The following EHBP1 variants were observed in gnomAD, a reference collection of about 807,000 sequenced individuals.
EHBP1 encodes the protein EH domain binding protein 1, also known as EH domain-binding protein 1.
EHBP1 carries 55 observed loss-of-function variants against 144.0 expected under a neutral mutation model. The ratio of observed to expected loss-of-function variants is 0.38; its 90% CI spans 0.31 to 0.48. EHBP1 has a LOEUF of 0.48. Among genes scored for constraint, EHBP1 ranks in the 20% least tolerant of loss-of-function variants. EHBP1 has a pLI of 0.98. For missense variants in EHBP1, 1,200 were observed against 1,364.2 expected (o/e 0.88, Z 1.90); for synonymous variants, 469 against 472.7 (o/e 0.99, Z 0.10).
intron 18 of EHBP1, chr2:62,994,186 C>A: frequency 3.1e-6 from 1 of 318,350 alleles, no homozygotes; most frequent in East Asian, 5.0e-5. Context: ...TTTCAGAGTT[C>A]CACAGCCCCA....
chr2:62,785,354 A>C (rs1010958859), intron 5 of EHBP1, among the ~76,000 whole-genome samples: 8 of 152,232 alleles, frequency 5.3e-5, no homozygotes, highest in Non-Finnish European at 1.0e-4. Flanking sequence ...TCCAAGTAAC[A>C]GATGTCATGG....
At chr2:62,875,354 G>C (rs1490928971) in intron 10 of EHBP1, among the ~76,000 whole-genome samples, 2 of 152,224 alleles carry the variant, frequency 1.3e-5, no homozygotes, top group Admixed American at 6.5e-5. Context: ...CTGTGGGTTA[G>C]AGCATGCAGC....
intron 5 of EHBP1, among the ~76,000 whole-genome samples, chr2:62,788,259 A>C (rs1282187997): frequency 1.3e-5 from 2 of 152,146 alleles, no homozygotes; most frequent in Non-Finnish European, 2.9e-5. Flanking sequence ...TTCCAATATA[A>C]AATATTTGTA....
At chr2:62,740,214 A>G (rs891975216) in intron 2 of EHBP1, among the ~76,000 whole-genome samples, 1 of 152,214 alleles carries the variant, frequency 6.6e-6, no homozygotes, top group Non-Finnish European at 1.5e-5. Flanking sequence ...ACACAAAAAT[A>G]TAAGTAAAAA....
chr2:62,810,838 T>C (rs145577204), intron 5 of EHBP1, among the ~76,000 whole-genome samples: 1 of 152,360 alleles, frequency 6.6e-6, no homozygotes, highest in East Asian at 1.9e-4. Context: ...CATAAAATAG[T>C]ATGACTAAAC....
At chr2:62,719,132 A>T (rs1252886980) in intron 2 of EHBP1, among the ~76,000 whole-genome samples, 4 of 151,828 alleles carry the variant, frequency 2.6e-5, no homozygotes, top group African/African-American at 9.7e-5. Context: ...CGCCCGGCTA[A>T]TTTTTTGTAT....
rs190247515 is a variant in EHBP1, at chr2:62,677,805, A to G, written c.-296+3722A>G. ...CTCCAGTTCCAACCATGTTGTTGCA[A>G]ATAACAGGATCTCATTCTTTCTTTT... On this transcript the variant is annotated intron_variant, in intron 1 of 22. Transcript: ENST00000405015. 5.3e-5 allele frequency among the ~76,000 whole-genome samples: 8 copies of G among 152,304 alleles called. No individual in the cohort carries two copies. In the East Asian group the frequency reaches 1.5e-3, roughly 29 times the overall value.
At chr2:62,853,703 G>A (rs895471493) in intron 7 of EHBP1, among the ~76,000 whole-genome samples, 4 of 152,164 alleles carry the variant, frequency 2.6e-5, no homozygotes, top group Non-Finnish European at 5.9e-5. Flanking sequence ...CTTACAAAAT[G>A]TATTTCTTAA....
intron 1 of EHBP1, among the ~76,000 whole-genome samples, chr2:62,684,074 T>C (rs2033633427): frequency 6.6e-6 from 1 of 152,228 alleles, no homozygotes; most frequent in South Asian, 2.1e-4. Context: ...TATTATATTA[T>C]AGTATTGTCA....
At chr2:62,791,907 G>T (rs1273714685) in intron 5 of EHBP1, among the ~76,000 whole-genome samples, 2 of 151,950 alleles carry the variant, frequency 1.3e-5, no homozygotes, top group African/African-American at 4.8e-5. Flanking sequence ...TAATGTTAAT[G>T]TATAAATTTC....
At chr2:62,693,442 A>G (rs190002875) in intron 1 of EHBP1, among the ~76,000 whole-genome samples, 36 of 152,286 alleles carry the variant, frequency 2.4e-4, no homozygotes, top group African/African-American at 8.2e-4. Context: ...CTTATCAGAT[A>G]TATGGTTTGC....
intron 2 of EHBP1, among the ~76,000 whole-genome samples, chr2:62,716,993 T>C (rs1334760450): frequency 2.0e-5 from 3 of 152,146 alleles, no homozygotes; most frequent in Non-Finnish European, 4.4e-5. Context: ...GTCTTGAACT[T>C]CTGGCCTCAA....
At chr2:62,816,003 A>G (rs59164676) in intron 5 of EHBP1, among the ~76,000 whole-genome samples, 2,568 of 152,334 alleles carry the variant, frequency 0.017, 65 homozygotes, top group African/African-American at 0.058. Flanking sequence ...TTCAGCCTCT[A>G]TATTACCATT....
At position 62,955,587 on chromosome 2, in the gene EHBP1, A is replaced by G; in HGVS notation, c.2387A>G (p.Asp796Gly). 1.2e-6 allele frequency: 2 copies of G among 1,613,228 alleles called. No individual in the cohort carries two copies. The highest frequency in any genetic ancestry group is 1.7e-6 in the Non-Finnish European group (2 of 1,179,466). Reference protein sequence around the residue: ...ARVLLEQARRDAALKAGNKHN... With the variant: ...ARVLLEQARRGAALKAGNKHN... ...GTTCTGCTTGAGCAAGCAAGAAGAGATGCAGCCTTAAAGGCGGGGAATAAG... is the reference window on the plus strand; with the variant it reads ...GTTCTGCTTGAGCAAGCAAGAAGAGGTGCAGCCTTAAAGGCGGGGAATAAG... Residue 796 changes from aspartate to glycine, a missense_variant, in exon 14 of 23, where the codon GAT (aspartate) becomes GGT (glycine). Around this residue, in one of 6 missense-constraint regions of EHBP1, gnomAD observed 543 missense variants for 513.1 expected, o/e 1.06. Coordinates refer to ENST00000431489, the MANE Select transcript of EHBP1 (RefSeq NM_001142616.3).
intron 19 of EHBP1, among the ~76,000 whole-genome samples, chr2:63,005,310 A>C (rs1392401270): frequency 6.6e-6 from 1 of 152,092 alleles, no homozygotes; most frequent in African/African-American, 2.4e-5. Flanking sequence ...TGGAGAAAAG[A>C]TGCCTGATGG....
At chr2:62,941,599 A>C (rs2153071551) in intron 10 of EHBP1, among the ~76,000 whole-genome samples, 1 of 152,248 alleles carries the variant, frequency 6.6e-6, no homozygotes, top group African/African-American at 2.4e-5. Flanking sequence ...TGATGATTTT[A>C]ATTGTTTGGT....
chr2:62,813,773 C>T (rs565167870), intron 5 of EHBP1, among the ~76,000 whole-genome samples: 1 of 152,304 alleles, frequency 6.6e-6, no homozygotes, highest in East Asian at 1.9e-4. Flanking sequence ...GTTTTAGACT[C>T]TCTGGGAACT....
intron 3 of EHBP1, among the ~76,000 whole-genome samples, chr2:62,757,957 A>G (rs1246431582): frequency 2.0e-5 from 3 of 151,358 alleles, no homozygotes; most frequent in African/African-American, 7.3e-5. Flanking sequence ...GCTTGCAGTG[A>G]GCCCAGATAG....
At chr2:62,846,771 C>T (rs542940968) in intron 7 of EHBP1, among the ~76,000 whole-genome samples, 1 of 152,112 alleles carries the variant, frequency 6.6e-6, no homozygotes, top group African/African-American at 2.4e-5. Flanking sequence ...ATAAATTTGA[C>T]ATAAGATGTG....
Sources: gnomAD v4.1 joint callset for allele counts (sites outside exome capture counted in the v4.1 genomes callset) on GRCh38, gnomAD v4.1.1 for gene constraint, gnomAD v4.1.1 regional missense constraint, MANE v1.5 for transcripts, NCBI Gene and HGNC (gene_info 2026-07-23, HGNC 2026-07-21) for gene names.